ZSCAN5A: variants seen among roughly 807,000 people sequenced by gnomAD.
ZSCAN5A encodes the protein zinc finger and SCAN domain-containing protein 5A.
Under a neutral mutation model 23.7 loss-of-function variants are expected in ZSCAN5A, and 12 were observed. The observed-to-expected ratio is 0.51, with a 90% CI of 0.32 to 0.82. The LOEUF (loss-of-function observed/expected upper bound fraction) is 0.82. Ranked by LOEUF, ZSCAN5A falls within the 40% of genes least tolerant of loss-of-function variation. ZSCAN5A has a pLI of 0.03. For missense variants in ZSCAN5A, 597 were observed against 617.9 expected, an observed-to-expected ratio of 0.97 and a Z score of 0.36; for synonymous variants, 257 against 239.9, an observed-to-expected ratio of 1.07 and a Z score of -0.66.
intron 2 of ZSCAN5A, among the ~76,000 whole-genome samples, chr19:56,265,429 G>A (rs1432320818): frequency 6.6e-6 from 1 of 150,770 alleles, no homozygotes; most frequent in Non-Finnish European, 1.5e-5. Context: ...CTTAAAGCTG[G>A]TGGAAAGTAA....
chr19:56,311,329 T>C (rs116933261), intron 2 of ZSCAN5A, among the ~76,000 whole-genome samples: 3,967 of 152,344 alleles, frequency 0.026, 87 homozygotes, highest in Non-Finnish European at 0.04. Context: ...ATTACTGTTT[T>C]GGGTGGAAAC....
chr19:56,244,074 AG>A, intron 2 of ZSCAN5A: 3 of 1,207,318 alleles, frequency 2.5e-6, no homozygotes, highest in Non-Finnish European at 2.4e-6. Flanking sequence ...TCATGGGGTC[AG>A]GGAGGACCCT....
chr19:56,340,927 G>T (rs1478686385), intron 2 of ZSCAN5A: 3 of 152,166 alleles, frequency 2.0e-5, no homozygotes, highest in Non-Finnish European at 4.4e-5. Context: ...GTCTGGTGTG[G>T]ACCTCCAGCA....
intron 2 of ZSCAN5A, chr19:56,246,903 C>T (rs2035951586): frequency 1.2e-6 from 2 of 1,608,050 alleles, no homozygotes; most frequent in Non-Finnish European, 1.7e-6. Flanking sequence ...AACCAGACGC[C>T]ACCTCCATTT....
rs2041665701 is a variant in ZSCAN5A, at chr19:56,351,230, C to A, written c.-358+12005G>T. On this transcript the variant is annotated intron_variant, in intron 2 of 6. Transcript: ENST00000587340. The surrounding 1 kb of genome is among the most constrained non-coding windows in gnomAD (Gnocchi z 4.8). ...CTAACCAAAAAGGCGGCTTCAAGGG[C>A]CGGGCTGACAAGCTTTGATATGCAA... is the stretch of plus-strand genomic sequence containing the variant. Among the ~76,000 whole-genome samples, 1 of 152,060 alleles carries A rather than the reference C, an allele frequency of 6.6e-6. No individual in the cohort carries two copies. The highest frequency in any genetic ancestry group is 1.5e-5 in the Non-Finnish European group (1 of 68,020).
chr19:56,245,408 G>A (rs1428156111), intron 2 of ZSCAN5A: 1 of 720,048 alleles, frequency 1.4e-6, no homozygotes, highest in Admixed American at 1.9e-5. Context: ...CAGGGTCCCT[G>A]CACTGTCCAG....
At chr19:56,232,849 T>C (rs1181059419) in intron 2 of ZSCAN5A, among the ~76,000 whole-genome samples, 1 of 152,052 alleles carries the variant, frequency 6.6e-6, no homozygotes, top group Non-Finnish European at 1.5e-5. Flanking sequence ...TGGCTAATTG[T>C]TTTGTATGTT....
intron 2 of ZSCAN5A, chr19:56,244,065 C>T (rs2035648382): frequency 8.9e-7 from 1 of 1,121,810 alleles, no homozygotes; most frequent in Admixed American, 2.0e-5. Flanking sequence ...TGCAACTCCT[C>T]ATGGGGTCAG....
intron 2 of ZSCAN5A, among the ~76,000 whole-genome samples, chr19:56,250,071 A>G (rs1250808850): frequency 6.6e-6 from 1 of 152,202 alleles, no homozygotes; most frequent in Admixed American, 6.5e-5. Context: ...ACACACAGTA[A>G]AAGAGATGCA....
rs2036640467 is a variant in ZSCAN5A at position 56,255,611 on chromosome 19, T to C, written c.-127-30438A>G. ...ACCCAACGTGGTTTTTCCCTTTGGC[T>C]TTTTTTTTTTCTCCCTCAAAGAAGC... On this transcript the variant is annotated intron_variant, in intron 2 of 5. Coordinates refer to ENST00000683990, the MANE Select transcript of ZSCAN5A (RefSeq NM_001322064.3). 2.1e-5 allele frequency among the ~76,000 whole-genome samples: 3 copies of C among 142,304 alleles called. No individual in the cohort carries two copies. The Admixed American group carries it at 2.1e-4, about 10-fold the overall frequency. 93.4% of individuals were successfully genotyped at this position (142,304 alleles called of 152,430 possible). A position where few individuals can be genotyped will look rare whatever the true frequency, so the allele number is the denominator to read the frequency against.
At chr19:56,264,141 C>A (rs1307103588) in intron 2 of ZSCAN5A, among the ~76,000 whole-genome samples, 2 of 151,956 alleles carry the variant, frequency 1.3e-5, no homozygotes, top group East Asian at 3.9e-4. Flanking sequence ...TTGCAGGCAC[C>A]CGCCACCTCA....
chr19:56,328,574 C>T (rs915905117), intron 2 of ZSCAN5A, among the ~76,000 whole-genome samples: 2 of 151,140 alleles, frequency 1.3e-5, no homozygotes, highest in Non-Finnish European at 2.9e-5. Context: ...CCGAGGATTG[C>T]AGTGAGCTGA....
At chr19:56,344,377 T>C (rs2041615750) in intron 2 of ZSCAN5A, among the ~76,000 whole-genome samples, 1 of 152,224 alleles carries the variant, frequency 6.6e-6, no homozygotes, top group Non-Finnish European at 1.5e-5. Flanking sequence ...CAAGCAAAGG[T>C]CATTCTGTTT....
At chr19:56,256,633 G>C (rs1311525608) in intron 2 of ZSCAN5A, among the ~76,000 whole-genome samples, 2 of 152,194 alleles carry the variant, frequency 1.3e-5, no homozygotes, top group Non-Finnish European at 2.9e-5. Context: ...AAACGGGGGA[G>C]ACACTGAGGA....
intron 2 of ZSCAN5A, among the ~76,000 whole-genome samples, chr19:56,264,837 T>C (rs1049441535): frequency 1.3e-5 from 2 of 152,192 alleles, no homozygotes; most frequent in Non-Finnish European, 2.9e-5. Context: ...AATGCTATCC[T>C]AGGGCTGGGC....
chr19:56,351,358 A>C lies in ZSCAN5A; in HGVS notation c.-358+11877T>G, dbSNP rs867755538. Among the ~76,000 whole-genome samples, 2 of 152,040 alleles carry C rather than the reference A, an allele frequency of 1.3e-5. No homozygotes were observed. The highest frequency in any genetic ancestry group is 2.1e-4 in the South Asian group (1 of 4,824). ...GTGAAGGCCACCTCCAAGTAACACC[A>C]TGTGTTCAAACCATCATGGCAACCC... On this transcript the variant is annotated intron_variant, in intron 2 of 6. Transcript: ENST00000587340. The surrounding 1 kb of genome is among the most constrained non-coding windows in gnomAD (Gnocchi z 4.8).
At chr19:56,278,613 T>A (rs2038443782) in intron 2 of ZSCAN5A, among the ~76,000 whole-genome samples, 1 of 152,126 alleles carries the variant, frequency 6.6e-6, no homozygotes, top group African/African-American at 2.4e-5. Flanking sequence ...TGAGAACAAA[T>A]TTCTTAGGGG....
intron 2 of ZSCAN5A, among the ~76,000 whole-genome samples, chr19:56,262,018 C>T (rs1331724607): frequency 6.6e-6 from 1 of 152,058 alleles, no homozygotes; most frequent in East Asian, 1.9e-4. Context: ...CTACAGGTAA[C>T]CACTTTTCTA....
At chr19:56,228,134 C>T in intron 2 of ZSCAN5A, 1 of 761,830 alleles carries the variant, frequency 1.3e-6, no homozygotes, top group Non-Finnish European at 1.6e-6. Flanking sequence ...GCAAAGGAGA[C>T]CCGCTGCCTT....
Sources: allele counts gnomAD v4.1 joint callset (sites outside exome capture counted in the v4.1 genomes callset), GRCh38; gene constraint gnomAD v4.1.1; non-coding constraint Gnocchi (gnomAD v3.1); transcripts MANE v1.5; gene names NCBI Gene and HGNC (gene_info 2026-07-23, HGNC 2026-07-21).